The following PCMT1 variants were observed in gnomAD, a reference collection of about 807,000 sequenced individuals.
PCMT1 encodes the protein protein-L-isoaspartate(D-aspartate) O-methyltransferase.
Under a neutral mutation model 29.2 loss-of-function variants are expected in PCMT1, and 9 were observed. The ratio of observed to expected loss-of-function variants is 0.31; its 90% CI spans 0.19 to 0.54. The LOEUF (loss-of-function observed/expected upper bound fraction) is 0.54. Ranked by LOEUF, PCMT1 falls within the 20% of genes least tolerant of loss-of-function variation. The pLI is 0.95. For missense variants in PCMT1, 184 were observed against 282.2 expected, an observed-to-expected ratio of 0.65 and a Z score of 2.49; for synonymous variants, 98 against 97.5, an observed-to-expected ratio of 1.00 and a Z score of -0.03.
chr6:149,764,599 G>A (rs568128937), intron 1 of PCMT1, among the ~76,000 whole-genome samples: 2 of 152,176 alleles, frequency 1.3e-5, no homozygotes, highest in East Asian at 3.9e-4. Flanking sequence ...AATTAGCCGA[G>A]TGTGGTGGCA....
chr6:149,750,351 C>G (rs909267535), intron 1 of PCMT1: 1 of 196,466 alleles, frequency 5.1e-6, no homozygotes, highest in Non-Finnish European at 1.0e-5. Context: ...GGCTGGCGCT[C>G]AGGAGACCCC....
At chr6:149,759,002 G>A (rs770382160) in intron 1 of PCMT1, among the ~76,000 whole-genome samples, 2 of 151,938 alleles carry the variant, frequency 1.3e-5, no homozygotes, top group Non-Finnish European at 2.9e-5. Context: ...TCAGCCTCCC[G>A]AATAGCTGGG....
chr6:149,767,024 C>T (rs139921627), intron 1 of PCMT1, among the ~76,000 whole-genome samples: 2,380 of 152,112 alleles, frequency 0.016, 63 homozygotes, highest in African/African-American at 0.055. Flanking sequence ...GCCTGGCCAA[C>T]ACAGTGAAAC....
intron 1 of PCMT1, chr6:149,750,318 TG>T: frequency 7.1e-6 from 2 of 281,486 alleles, no homozygotes; most frequent in Non-Finnish European, 6.7e-6. Context: ...TGGGAGCGTG[TG>T]GGCTAGGCCT....
In PCMT1 at chr6:149,810,827, G is replaced by A; in HGVS notation, c.*249G>A. On this transcript the variant is annotated 3_prime_UTR_variant, in exon 8 of 8. Coordinates refer to ENST00000464889, the MANE Select transcript of PCMT1 (RefSeq NM_001360452.2). ...CAAATTGGTAGAGGAAGGATGCAAA[G>A]TATAAATTTGTGTAATATTACTTTA... is the stretch of plus-strand genomic sequence containing the variant. The A allele has an allele frequency of 2.2e-6, 1 of 454,636 alleles. No homozygotes were observed. The allele number at this position is 454,636 out of a possible 1,614,324, so 28.2% of individuals were successfully genotyped here. A position where few individuals can be genotyped will look rare whatever the true frequency, so the allele number is the denominator to read the frequency against.
intron 3 of PCMT1, among the ~76,000 whole-genome samples, chr6:149,785,574 C>T (rs1788000339): frequency 6.6e-6 from 1 of 152,046 alleles, no homozygotes; most frequent in African/African-American, 2.4e-5. Flanking sequence ...GTGTTTGTGT[C>T]CCTGGGTACT....
chr6:149,751,932 G>A (rs1432433091), intron 1 of PCMT1, among the ~76,000 whole-genome samples: 2 of 151,684 alleles, frequency 1.3e-5, no homozygotes, highest in Admixed American at 1.3e-4. Flanking sequence ...GAGTGCAGTG[G>A]TGTGAGCTCG....
intron 1 of PCMT1, among the ~76,000 whole-genome samples, chr6:149,769,319 T>TTTTTTTTTC (rs1787217459): frequency 1.2e-5 from 1 of 84,142 alleles, no homozygotes; most frequent in Non-Finnish European, 3.0e-5. Flanking sequence ...TTTTTTTTTT[T>TTTTTTTTTC]TTTTTTTTTT....
intron 3 of PCMT1, among the ~76,000 whole-genome samples, chr6:149,779,433 A>C (rs73608700): frequency 0.027 from 4,166 of 152,194 alleles, 177 homozygotes; most frequent in African/African-American, 0.093. Context: ...CACCTTAATA[A>C]TTAGACACTC....
intron 6 of PCMT1, among the ~76,000 whole-genome samples, chr6:149,801,727 C>T (rs1775832978): frequency 6.6e-6 from 1 of 152,094 alleles, no homozygotes; most frequent in Non-Finnish European, 1.5e-5. Flanking sequence ...GGATCACAGG[C>T]GTGAGCCACC....
chr6:149,802,417 G>A lies in PCMT1; in HGVS notation c.*37+1G>A. Reference sequence around the variant, plus strand: ...CTCTTTCTTCTTCCACACATGCAAGGTGAAAGGGTGTGGATTTTAAGACAT... The same window carrying A: ...CTCTTTCTTCTTCCACACATGCAAGATGAAAGGGTGTGGATTTTAAGACAT... On this transcript the variant is annotated splice_donor_variant, in intron 7 of 7. Transcript: ENST00000464889. LOFTEE classifies it low-confidence loss of function (3UTR_SPLICE). The A allele has an allele frequency of 6.4e-7, 1 of 1,561,768 alleles. No individual in the cohort carries two copies. Among genetic ancestry groups the A allele is most frequent in the Non-Finnish European group, 8.7e-7 (1 of 1,150,604 alleles).
chr6:149,779,189 T>C (rs989673437), intron 3 of PCMT1, among the ~76,000 whole-genome samples: 4 of 152,126 alleles, frequency 2.6e-5, no homozygotes, highest in African/African-American at 9.7e-5. Flanking sequence ...CTAGCTCGGC[T>C]GTAAAGTCAC....
intron 3 of PCMT1, 51 bp downstream of exon 3, chr6:149,773,220 A>C: frequency 1.4e-6 from 2 of 1,384,772 alleles, no homozygotes; most frequent in Non-Finnish European, 2.0e-6. Context: ...TTTTCTCTAT[A>C]ATCATTTTCT....
intron 3 of PCMT1, among the ~76,000 whole-genome samples, chr6:149,784,877 T>G (rs1431040143): frequency 6.6e-6 from 1 of 152,224 alleles, no homozygotes; most frequent in African/African-American, 2.4e-5. Flanking sequence ...AACTACAATG[T>G]CATTATCATA....
chr6:149,787,197 A>C (rs1414114793), intron 3 of PCMT1, among the ~76,000 whole-genome samples: 2 of 146,448 alleles, frequency 1.4e-5, no homozygotes, highest in Non-Finnish European at 3.0e-5. Flanking sequence ...AGAATCAGGC[A>C]GGGAGATTGC....
intron 7 of PCMT1, 48 bp downstream of exon 7, chr6:149,802,464 G>T: frequency 7.0e-7 from 1 of 1,420,076 alleles, no homozygotes; most frequent in East Asian, 2.5e-5. Flanking sequence ...AGCTGTTTTT[G>T]GTTGTCACCT....
At chr6:149,794,228 T>C (rs1176224505) in intron 5 of PCMT1, among the ~76,000 whole-genome samples, 1 of 152,214 alleles carries the variant, frequency 6.6e-6, no homozygotes, top group Non-Finnish European at 1.5e-5. Flanking sequence ...ATCTTCCTGA[T>C]GTTGGTTTTT....
chr6:149,763,609 G>A (rs1786953551), intron 1 of PCMT1, among the ~76,000 whole-genome samples: 1 of 152,068 alleles, frequency 6.6e-6, no homozygotes, highest in African/African-American at 2.4e-5. Flanking sequence ...TTTGATAGAA[G>A]TATATTATCG....
intron 3 of PCMT1, among the ~76,000 whole-genome samples, chr6:149,777,822 TTTC>T (rs1301398188): frequency 6.8e-6 from 1 of 147,940 alleles, no homozygotes; most frequent in Non-Finnish European, 1.5e-5. Flanking sequence ...TTCTCTTTCT[TTTC>T]TTCTTTCTTT....
Sources: gnomAD v4.1 joint callset for allele counts (sites outside exome capture counted in the v4.1 genomes callset) on GRCh38, gnomAD v4.1.1 for gene constraint, MANE v1.5 for transcripts, NCBI Gene and HGNC (gene_info 2026-07-23, HGNC 2026-07-21) for gene names.